Variants in RYR1 observed in about 807,000 individuals in gnomAD.
RYR1 encodes central core disease of muscle.
A neutral mutation model predicts 583.5 loss-of-function variants in RYR1; 342 were observed. The ratio of observed to expected loss-of-function variants is 0.59; its 90% confidence interval spans 0.54 to 0.64. The LOEUF (loss-of-function observed/expected upper bound fraction) is 0.64, where lower values mean the gene tolerates loss of function less well. Ranked by LOEUF, RYR1 falls within the 30% of genes least tolerant of loss-of-function variation. RYR1 has a pLI of 0.00. For synonymous variants in RYR1, 2,791 were observed against 2,822.5 expected, an observed-to-expected ratio of 0.99 and a Z score of 0.35; for missense variants, 6,032 against 6,917.2, an observed-to-expected ratio of 0.87 and a Z score of 4.54.
At chr19:38,501,987 G>GA (rs58447433) in intron 47 of RYR1, among the ~76,000 whole-genome samples, 49,171 of 146,148 alleles carry the variant, frequency 0.34, 8,808 homozygotes, top group African/African-American at 0.46. Flanking sequence ...CCTTATCTCA[G>GA]AAAAAAAAAA....
intron 3 of RYR1, among the ~76,000 whole-genome samples, chr19:38,442,871 C>T (rs540644456): frequency 1.3e-5 from 2 of 152,338 alleles, no homozygotes; most frequent in African/African-American, 4.8e-5. Context: ...ATCCCAGCTC[C>T]TCTCCGCATG....
chr19:38,570,980 C>A (rs1164813106), intron 94 of RYR1, among the ~76,000 whole-genome samples: 7 of 152,244 alleles, frequency 4.6e-5, no homozygotes, highest in Admixed American at 3.9e-4. Flanking sequence ...CAGTCCTGTG[C>A]GCCTGGGTGC....
In RYR1 at chr19:38,499,667, G is replaced by A. The variant is rs746971794; in HGVS notation, c.7060G>A (p.Val2354Met). 1 of 1,599,346 alleles carries A rather than the reference G, an allele frequency of 6.3e-7. No individual in the cohort carries two copies. Among genetic ancestry groups the A allele is most frequent in the Non-Finnish European group, 8.5e-7 (1 of 1,179,884 alleles). ...CGTGGAGGAGAACGCCAATGTGGTG[G>A]TGCGGCTGCTCATCCGGAAGCCTGA... ...ESVEENANVV[V>M]RLLIRKPECF... The change falls in exon 44 of 106, where the codon GTG (valine) becomes ATG (methionine). Residue 2354 changes from valine (V) to methionine (M), a missense_variant. This residue lies in a region of RYR1 where 2,627 missense variants were observed against 2,961.3 expected (regional missense o/e 0.89). Coordinates refer to ENST00000359596, the MANE Select transcript of RYR1 (RefSeq NM_000540.3). This position sits in a 1 kb window ranked among gnomAD's most constrained non-coding sequence, Gnocchi z 7.3.
chr19:38,505,685 G>C (rs1970412208), intron 53 of RYR1, 121 bp from the exon 54 acceptor site: 1 of 1,265,580 alleles, frequency 7.9e-7, no homozygotes, highest in Non-Finnish European at 1.1e-6. Flanking sequence ...TAAGAGACTT[G>C]AGTTGGAATC....
At position 38,458,220 on chromosome 19, in the gene RYR1, G is replaced by A. The variant is rs553882104; in HGVS notation, c.2095G>A (p.Glu699Lys). 8.1e-6 allele frequency: 13 copies of A among 1,613,974 alleles called. No individual in the cohort carries two copies. Among genetic ancestry groups the A allele is most frequent in the Admixed American group, 3.3e-5 (2 of 60,032 alleles). The change falls in exon 18 of 106, where the codon GAG becomes AAG. Residue 699 changes from glutamate (E) to lysine (K), a missense_variant. Around this residue, in one of 11 missense-constraint regions of RYR1, gnomAD observed 2,627 missense variants for 2,961.3 expected, o/e 0.89. Coordinates refer to ENST00000359596, the MANE Select transcript of RYR1 (RefSeq NM_000540.3). The part of the protein sequence containing the change: ...EGYTPYPGAG[E>K]GWGGNGVGDD... ...CTACACCCCCTACCCTGGGGCCGGC[G>A]AGGGCTGGGGCGGCAACGGGGTCGG...
At chr19:38,442,589 C>T (rs1972746668) in intron 3 of RYR1, 136 bp downstream of exon 3, 1 of 672,442 alleles carries the variant, frequency 1.5e-6, no homozygotes, top group Non-Finnish European at 2.7e-6. Context: ...CTCTCTCTGC[C>T]CTGCCCCCCA....
intron 13 of RYR1, among the ~76,000 whole-genome samples, 192 bp from the exon 14 acceptor site, chr19:38,455,043 T>A (rs908931602): frequency 1.3e-5 from 2 of 152,010 alleles, no homozygotes; most frequent in African/African-American, 4.8e-5. Context: ...AGGACAAGAA[T>A]AGATATGGGG....
At chr19:38,562,530 T>A in intron 90 of RYR1, among the ~76,000 whole-genome samples, 1 of 152,016 alleles carries the variant, frequency 6.6e-6, no homozygotes. Context: ...ACCCGTCACC[T>A]CCTTCATGAG....
chr19:38,489,478 C>A (rs16972654), intron 35 of RYR1, 35 bp downstream of exon 35: 7 of 1,613,266 alleles, frequency 4.3e-6, no homozygotes, highest in Non-Finnish European at 5.9e-6. Flanking sequence ...GGCCTCTGTC[C>A]ATCTGGGCTG....
chr19:38,490,788 C>G, intron 37 of RYR1, 56 bp downstream of exon 37: 1 of 1,123,824 alleles, frequency 8.9e-7, no homozygotes, highest in Admixed American at 1.7e-5. Context: ...CGAGACCTCT[C>G]CAGAAGTTTC....
At chr19:38,509,664 G>A (rs1034197743) in intron 58 of RYR1, among the ~76,000 whole-genome samples, 1 of 151,896 alleles carries the variant, frequency 6.6e-6, no homozygotes, top group African/African-American at 2.4e-5. Flanking sequence ...TCACCATGTT[G>A]GCCAGGATGG....
At position 38,509,851 on chromosome 19, in the gene RYR1, AT is replaced by A. The variant is rs1344607633; in HGVS notation, c.8933-645del. Among the ~76,000 whole-genome samples, 3 of 150,910 alleles carry A rather than the reference AT, an allele frequency of 2.0e-5. No individual in the cohort carries two copies. In the East Asian group the frequency reaches 5.8e-4, roughly 29 times the overall value. On this transcript the variant is annotated intron_variant, in intron 58 of 105. Transcript: ENST00000359596. ...TTGAAATTAACTCTAATTTGTTTAC[AT>A]TGACTTCTTGTTTCATTTGGTTCAT...
rs1970053512 is a variant in RYR1 at position 38,500,407 on chromosome 19, G to A, written c.7324-199G>A. Among the ~76,000 whole-genome samples, 2 of 149,292 alleles carry A rather than the reference G, an allele frequency of 1.3e-5. No individual in the cohort carries two copies. The highest frequency in any genetic ancestry group is 3.0e-5 in the Non-Finnish European group (2 of 67,240). On this transcript the variant is annotated intron_variant, in intron 45 of 105. Transcript: ENST00000359596. This position sits in a 1 kb window ranked among gnomAD's most constrained non-coding sequence, Gnocchi z 5.9. ...GGGTCGCAGGGAGAGGGGTCAGGATGAGGTTGGGGGGAACAAGGAGAGAGG... is the reference window on the plus strand; with the variant it reads ...GGGTCGCAGGGAGAGGGGTCAGGATAAGGTTGGGGGGAACAAGGAGAGAGG...
At chr19:38,537,747 A>C (rs112148182) in intron 83 of RYR1, 133 bp from the exon 84 acceptor site, 75 of 849,750 alleles carry the variant, frequency 8.8e-5, no homozygotes, top group Middle Eastern at 3.3e-4. Context: ...GTGTCTTTGG[A>C]GTGGCAGCTG....
chr19:38,486,808 C>T (rs909172997), intron 34 of RYR1, among the ~76,000 whole-genome samples: 4 of 152,080 alleles, frequency 2.6e-5, no homozygotes, highest in African/African-American at 7.2e-5. Context: ...AGTCCTCCAC[C>T]AGCCTTTCCA....
rs1319524067 is a variant in RYR1, at chr19:38,489,968, CT to C, written c.5815-107del. On this transcript the variant is annotated intron_variant, in intron 35 of 105. Coordinates refer to ENST00000359596, the MANE Select transcript of RYR1 (RefSeq NM_000540.3). ...GGTTCCAGGCGGGAAATGATTTTGG[CT>C]GGACCTGGGCAGGGCCATGGAGAGG... 9 of 1,160,824 alleles carry C rather than the reference CT, an allele frequency of 7.8e-6. No homozygotes were observed. In the African/African-American group the frequency reaches 1.2e-4, roughly 16 times the overall value. 71.9% of individuals were successfully genotyped at this position (1,160,824 alleles called of 1,614,324 possible).
intron 76 of RYR1, among the ~76,000 whole-genome samples, chr19:38,529,674 G>A (rs540865751): frequency 1.3e-5 from 2 of 152,254 alleles, no homozygotes; most frequent in Non-Finnish European, 2.9e-5. Flanking sequence ...AAATCCATAT[G>A]TATGACAAAT....
chr19:38,543,295 A>C lies in RYR1; in HGVS notation c.11690-52A>C, dbSNP rs539950475. On this transcript the variant is annotated intron_variant, in intron 84 of 105. Coordinates refer to ENST00000359596, the MANE Select transcript of RYR1 (RefSeq NM_000540.3). This position sits in a 1 kb window ranked among gnomAD's most constrained non-coding sequence, Gnocchi z 4.4. ...TAAATGAATAAATGACCCACTGTTCATCTCCCCTAGCACATGGGAGGTGCT... is the reference window on the plus strand; with the variant it reads ...TAAATGAATAAATGACCCACTGTTCCTCTCCCCTAGCACATGGGAGGTGCT... The C allele has an allele frequency of 6.0e-6, 9 of 1,499,576 alleles. No homozygotes were observed. Among genetic ancestry groups the C allele is most frequent in the African/African-American group, 5.5e-5 (4 of 72,576 alleles). The allele number at this position is 1,499,576 out of a possible 1,614,324, so 92.9% of individuals were successfully genotyped here.
At chr19:38,581,360 A>C (rs930425131) in intron 101 of RYR1, among the ~76,000 whole-genome samples, 7 of 152,208 alleles carry the variant, frequency 4.6e-5, no homozygotes, top group African/African-American at 1.2e-4. Context: ...TACAGGCATG[A>C]GCCACTGCGC....
Sources: gnomAD v4.1 joint callset for allele counts (sites outside exome capture counted in the v4.1 genomes callset) on GRCh38, gnomAD v4.1.1 for gene constraint, gnomAD v4.1.1 regional missense constraint, Gnocchi (gnomAD v3.1) non-coding constraint, MANE v1.5 for transcripts, NCBI Gene and HGNC (gene_info 2026-07-23, HGNC 2026-07-21) for gene names.